MED15: variants seen among roughly 807,000 people sequenced by gnomAD.
The protein encoded by MED15 is mediator of RNA polymerase II transcription subunit 15.
MED15 carries 41 observed loss-of-function variants against 118.7 expected under a neutral mutation model. The observed-to-expected ratio is 0.35, with a 90% CI of 0.27 to 0.45. The LOEUF is 0.45. Among genes scored for constraint, MED15 ranks in the 20% least tolerant of loss-of-function variants. The pLI, the probability that MED15 is intolerant of heterozygous loss-of-function variation, is 1.00. For synonymous variants in MED15, 436 were observed against 413.9 expected (o/e 1.05, Z -0.65); for missense variants, 740 against 1,025.5 (o/e 0.72, Z 3.80).
intron 5 of MED15, among the ~76,000 whole-genome samples, chr22:20,556,011 A>G (rs936967095): frequency 6.6e-6 from 1 of 151,994 alleles, no homozygotes; most frequent in African/African-American, 2.4e-5. Flanking sequence ...GCGTGAGCCA[A>G]CGCGCCTGCC....
intron 8 of MED15, chr22:20,573,905 T>TC (rs995729612): frequency 7.9e-5 from 12 of 152,016 alleles, no homozygotes; most frequent in African/African-American, 9.7e-5. Context: ...CCTTCGTGTC[T>TC]CCCCCCGGTC....
rs761357746 is a variant in MED15 at position 20,507,701 on chromosome 22, C to T, written c.23C>T (p.Thr8Ile). 1 of 1,614,076 alleles carries T rather than the reference C, an allele frequency of 6.2e-7. No individual in the cohort carries two copies. The change falls in exon 1 of 18, where the codon ACC (threonine) becomes ATC (isoleucine). Residue 8 changes from threonine (T) to isoleucine (I), a missense_variant. Physicochemically the swap from Thr to Ile is moderately conservative, Grantham distance 89 (BLOSUM62 -1). This residue lies in a region of MED15 where 23 missense variants were observed against 20.2 expected (regional missense o/e 1.14). Coordinates refer to ENST00000263205, the MANE Select transcript of MED15 (RefSeq NM_001003891.3). MDVSGQETDWRSTAFRQK... is the reference protein window; with the variant it reads MDVSGQEIDWRSTAFRQK... ...GGCATGGACGTTTCCGGGCAAGAGA[C>T]CGACTGGCGGAGCACCGCCTTCCGG...
At chr22:20,582,562 A>AGGCG in intron 9 of MED15, 49 bp from the exon 10 acceptor site, 3 of 1,535,360 alleles carry the variant, frequency 2.0e-6, no homozygotes, top group Non-Finnish European at 1.7e-6. Context: ...GTGTGGAGGC[A>AGGCG]GGCGGGCGGG....
rs1057161375 is a variant in MED15, at chr22:20,560,974, C to T, written c.452-3476C>T. ...CAGCAGGGAGATAGAGCGTGAATAT[C>T]GGTTCTGTCGGGTACATATAAAACC... On this transcript the variant is annotated intron_variant, in intron 5 of 17. Transcript: ENST00000263205. 3.9e-5 allele frequency among the ~76,000 whole-genome samples: 6 copies of T among 152,084 alleles called. No homozygotes were observed. The South Asian group carries it at 6.2e-4, about 16-fold the overall frequency.
At position 20,537,125 on chromosome 22, in the gene MED15, C is replaced by T; in HGVS notation, c.77C>T (p.Ala26Val). ...RQKLVSQIED[A>V]MRKAGVAHSK... ...CTCCTTTTGTGTTTCAGCGAGGATG[C>T]CATGAGGAAAGCTGGTGTGGCACAC... The change falls in exon 2 of 18, where the codon GCC becomes GTC. Residue 26 changes from alanine to valine, a missense_variant. Ala to Val is a moderately conservative substitution (Grantham distance 64). Transcript: ENST00000263205. 1 of 1,613,426 alleles carries T rather than the reference C, an allele frequency of 6.2e-7. No individual in the cohort carries two copies. The highest frequency in any genetic ancestry group is 8.5e-7 in the Non-Finnish European group (1 of 1,179,576).
intron 1 of MED15, among the ~76,000 whole-genome samples, chr22:20,520,167 C>A (rs1352068886): frequency 6.6e-6 from 1 of 152,168 alleles, no homozygotes; most frequent in Non-Finnish European, 1.5e-5. Flanking sequence ...GCCTACGTAC[C>A]CCTTGCTTCT....
At chr22:20,542,413 C>A (rs6001859) in intron 2 of MED15, among the ~76,000 whole-genome samples, 1 of 152,204 alleles carries the variant, frequency 6.6e-6, no homozygotes, top group Non-Finnish European at 1.5e-5. Flanking sequence ...AGGGCTGATA[C>A]ATGCTACAAC....
intron 1 of MED15, chr22:20,523,895 G>T: frequency 1.0e-6 from 1 of 960,520 alleles, no homozygotes; most frequent in Non-Finnish European, 1.2e-6. Context: ...GGAGTTGAGA[G>T]ACCTTGAGGA....
intron 2 of MED15, 27 bp downstream of exon 2, chr22:20,537,231 C>G (rs1325327809): frequency 1.3e-6 from 2 of 1,594,186 alleles, no homozygotes; most frequent in Non-Finnish European, 1.7e-6. Context: ...TGGAGCCACT[C>G]TGGCAGAGAG....
intron 2 of MED15, among the ~76,000 whole-genome samples, chr22:20,547,596 G>T (rs2055597102): frequency 6.6e-6 from 1 of 151,996 alleles, no homozygotes; most frequent in South Asian, 2.1e-4. Flanking sequence ...GAGGTGGGCG[G>T]ATCAGAAGGT....
chr22:20,564,371 T>C, intron 5 of MED15, 79 bp from the exon 6 acceptor site: 1 of 1,570,194 alleles, frequency 6.4e-7, no homozygotes, highest in Non-Finnish European at 8.7e-7. Flanking sequence ...GCTGGCTGTT[T>C]TGTCCCTTGC....
chr22:20,508,256 G>A (rs951169019), intron 1 of MED15: 2 of 1,293,174 alleles, frequency 1.5e-6, no homozygotes, highest in Non-Finnish European at 2.0e-6. Context: ...CCGAAGGAAT[G>A]TGGACTTTGC....
chr22:20,519,326 G>A (rs2054365383), intron 1 of MED15, among the ~76,000 whole-genome samples: 1 of 152,086 alleles, frequency 6.6e-6, no homozygotes, highest in African/African-American at 2.4e-5. Flanking sequence ...TAGAGGCCCT[G>A]TGATTGGGTT....
chr22:20,583,144 C>T lies in MED15; in HGVS notation c.1569C>T (p.Gly523=), dbSNP rs1269666178. 6.2e-7 allele frequency: 1 copy of T among 1,606,200 alleles called. No individual in the cohort carries two copies. The highest frequency in any genetic ancestry group is 8.5e-7 in the Non-Finnish European group (1 of 1,176,486). ...VNPSSVMSPA[G]SSQAEEQQYL... ...CCAGCTCTGTCATGAGCCCAGCTGG[C>T]TCCAGCCAGGCTGAGGAGCAGCAGT... The change falls in exon 12 of 18, where the codon GGC becomes GGT. Residue 523 remains glycine, a synonymous_variant. Transcript: ENST00000263205.
Position 20,554,728 on chromosome 22 carries a change from G to A in MED15, c.239-208G>A, listed in dbSNP as rs2055921184. The stretch of plus-strand genomic sequence containing the variant: ...GACTCTGGTCCAGGCCAGGCTAGAG[G>A]TATGGGTCATGCAGTGACCAACACA... On this transcript the variant is annotated intron_variant, in intron 4 of 17. Transcript: ENST00000263205. The A allele has an allele frequency of 7.8e-6, 4 of 514,912 alleles. 1 individual carries two copies. In the South Asian group the frequency reaches 1.2e-4, roughly 16 times the overall value. The allele number at this position is 514,912 out of a possible 1,614,324, so 31.9% of individuals were successfully genotyped here.
chr22:20,521,529 G>A (rs1221606593), intron 1 of MED15, among the ~76,000 whole-genome samples: 3 of 149,638 alleles, frequency 2.0e-5, no homozygotes, highest in Non-Finnish European at 3.0e-5. Flanking sequence ...GACTACAGGC[G>A]CCCATCACCA....
At chr22:20,520,785 T>C (rs916019283) in intron 1 of MED15, among the ~76,000 whole-genome samples, 2 of 152,024 alleles carry the variant, frequency 1.3e-5, no homozygotes, top group African/African-American at 2.4e-5. Context: ...TTGCCCAGGG[T>C]AGAGTGCAGT....
intron 5 of MED15, among the ~76,000 whole-genome samples, chr22:20,563,986 A>G (rs546683847): frequency 1.3e-5 from 2 of 152,328 alleles, no homozygotes; most frequent in South Asian, 4.1e-4. Context: ...ATCACAGGAA[A>G]TCGGTGTAGT....
At position 20,578,825 on chromosome 22, in the gene MED15, A is replaced by G. The variant is rs16988550; in HGVS notation, c.1272+3593A>G. Among the ~76,000 whole-genome samples, 1,229 of 152,354 alleles carry G rather than the reference A, an allele frequency of 8.1e-3. 17 individuals are homozygous for G. Among genetic ancestry groups the G allele is most frequent in the African/African-American group, 0.027 (1,136 of 41,580 alleles). On this transcript the variant is annotated intron_variant, in intron 9 of 17. Coordinates refer to ENST00000263205, the MANE Select transcript of MED15 (RefSeq NM_001003891.3). The stretch of plus-strand genomic sequence containing the variant: ...TGCTCTTTCCTTGTGGCAACAAATT[A>G]GGTCCAAGAAAACAGGTGGAGCTGA...
Sources: gnomAD v4.1 joint callset for allele counts (sites outside exome capture counted in the v4.1 genomes callset) on GRCh38, gnomAD v4.1.1 for gene constraint, gnomAD v4.1.1 regional missense constraint, MANE v1.5 for transcripts, NCBI Gene and HGNC (gene_info 2026-07-23, HGNC 2026-07-21) for gene names.